FBXW5: variants seen among roughly 807,000 people sequenced by gnomAD.
The protein encoded by FBXW5 is F-box and WD repeat domain containing 5, also known as F-box/WD repeat-containing protein 5.
A neutral mutation model predicts 50.9 loss-of-function variants in FBXW5; 74 were observed. The ratio of observed to expected loss-of-function variants is 1.45; its 90% CI spans 1.20 to 1.76. FBXW5 has a LOEUF of 1.76. FBXW5 is among the 40% of genes most tolerant of loss of function. FBXW5 has a pLI of 0.00. For missense variants in FBXW5, 1,073 were observed against 818.8 expected (o/e 1.31, Z -3.79); for synonymous variants, 523 against 362.2 (o/e 1.44, Z -5.04).
Position 136,941,663 on chromosome 9 carries a change from T to C in FBXW5, c.1118A>G (p.His373Arg). ...CACGGGCCCTGCCGTGGTCATCTGG[T>C]GTGGCAGGATCTGCTTGATGCCTGC... ...HQIGIKQILP[H>R]QMTTAGPVLG... The change falls in exon 7 of 9, where the codon CAC (histidine) becomes CGC (arginine). Residue 373 changes from histidine (H) to arginine (R), a missense_variant. His to Arg is a conservative substitution (Grantham distance 29, BLOSUM62 0). Coordinates refer to ENST00000325285, the MANE Select transcript of FBXW5 (RefSeq NM_018998.4). The C allele has an allele frequency of 1.3e-6, 2 of 1,564,198 alleles. No homozygotes were observed. Among genetic ancestry groups the C allele is most frequent in the South Asian group, 1.2e-5 (1 of 85,622 alleles).
Position 136,943,894 on chromosome 9 carries a change from G to C in FBXW5, c.190C>G (p.Pro64Ala), listed in dbSNP as rs554306850. The change falls in exon 2 of 9, where the codon CCA becomes GCA. Residue 64 changes from proline (P) to alanine (A), a missense_variant. Pro to Ala is a conservative substitution (Grantham distance 27). Coordinates refer to ENST00000325285, the MANE Select transcript of FBXW5 (RefSeq NM_018998.4). ...AGGGGCCCCACACGCCACTGACCTG[G>C]GTGTCGGGGCACGTCGCGGGCCACC... ...YQVARDVPRH[P>A]AAMSWYEEFQ... 2.9e-4 allele frequency: 443 copies of C among 1,549,834 alleles called. No homozygotes were observed. The highest frequency in any genetic ancestry group is 3.8e-4 in the Non-Finnish European group (433 of 1,146,764).
rs778478510 is a variant in FBXW5 at position 136,942,182 on chromosome 9, C to A, written c.960G>T (p.Glu320Asp). The A allele has an allele frequency of 1.3e-6, 2 of 1,591,792 alleles. No homozygotes were observed. Among genetic ancestry groups the A allele is most frequent in the Admixed American group, 3.5e-5 (2 of 56,580 alleles). Residue 320 changes from glutamate to aspartate, a missense_variant, in exon 6 of 9, where the codon GAG becomes GAT. Coordinates refer to ENST00000325285, the MANE Select transcript of FBXW5 (RefSeq NM_018998.4). ...LEGRAQPQLS[E>D]RMLETKVAEL... ...CGGCCACCTTGGTCTCTAGCATGCGCTCCGACAGCTGTGGCTGCGCCCGCC... is the reference window on the plus strand; with the variant it reads ...CGGCCACCTTGGTCTCTAGCATGCGATCCGACAGCTGTGGCTGCGCCCGCC...
Position 136,941,583 on chromosome 9 carries a change from C to T in FBXW5, c.1198G>A (p.Asp400Asn), listed in dbSNP as rs992172616. ...ATGCCGATGATGTGTCCGTGTATGT[C>T]TATGACGTGGTCCAGCGCGTCGAAG... ...AFFDALDHVI[D>N]IHGHIIGMGL... The change falls in exon 7 of 9, where the codon GAC becomes AAC. Residue 400 changes from aspartate to asparagine, a missense_variant. By Grantham distance (23) the Asp-to-Asn change is conservative. Transcript: ENST00000325285. 3.7e-6 allele frequency: 6 copies of T among 1,609,384 alleles called. No individual in the cohort carries two copies. Among genetic ancestry groups the T allele is most frequent in the Non-Finnish European group, 5.1e-6 (6 of 1,178,770 alleles).
rs1239893988 is a variant in FBXW5 at position 136,941,983 on chromosome 9, C to T, written c.1096+63G>A. The T allele has an allele frequency of 7.3e-6, 11 of 1,514,014 alleles. No individual in the cohort carries two copies. The South Asian group carries it at 7.7e-5, about 11-fold the overall frequency. 93.8% of individuals were successfully genotyped at this position (1,514,014 alleles called of 1,614,324 possible). On this transcript the variant is annotated intron_variant, in intron 6 of 8. Coordinates refer to ENST00000325285, the MANE Select transcript of FBXW5 (RefSeq NM_018998.4). ...CTTGCTTGCTGTCTGCCCCTCAGGA[C>T]CCCTGCCCGGCCTCCCCCAAGCTCC...
In FBXW5 at chr9:136,941,658, T is replaced by G. The variant is rs1000019177; in HGVS notation, c.1123A>C (p.Met375Leu). 40 of 1,566,534 alleles carry G rather than the reference T, an allele frequency of 2.6e-5. No homozygotes were observed. The highest frequency in any genetic ancestry group is 3.4e-5 in the Non-Finnish European group (39 of 1,156,310). The change falls in exon 7 of 9, where the codon ATG becomes CTG. Residue 375 changes from methionine (M) to leucine (L), a missense_variant. Coordinates refer to ENST00000325285, the MANE Select transcript of FBXW5 (RefSeq NM_018998.4). ...CCCAGCACGGGCCCTGCCGTGGTCA[T>G]CTGGTGTGGCAGGATCTGCTTGATG... ...IGIKQILPHQMTTAGPVLGEG... is the reference protein window; with the variant it reads ...IGIKQILPHQLTTAGPVLGEG...
At chr9:136,943,859 G>C (rs920939862) in intron 2 of FBXW5, 32 bp downstream of exon 2, 2 of 1,546,498 alleles carry the variant, frequency 1.3e-6, no homozygotes, top group Non-Finnish European at 1.7e-6. Context: ...CCTGGCTGCA[G>C]AACGTGGGTA....
At position 136,943,452 on chromosome 9, in the gene FBXW5, A is replaced by C. The variant is rs1850884745; in HGVS notation, c.248T>G (p.Val83Gly). ...FQRLYDTVPC[V>G]EVQTLREHTD... ...GTGTTCCCGCAGCGTCTGCACCTCCACGCAGGGCACCGTGTCATACAGCCG... is the reference window on the plus strand; with the variant it reads ...GTGTTCCCGCAGCGTCTGCACCTCCCCGCAGGGCACCGTGTCATACAGCCG... Residue 83 changes from valine (V) to glycine (G), a missense_variant, in exon 3 of 9, where the codon GTG (valine) becomes GGG (glycine). Physicochemically the swap from Val to Gly is moderately radical, Grantham distance 109. Coordinates refer to ENST00000325285, the MANE Select transcript of FBXW5 (RefSeq NM_018998.4). 2 of 1,612,802 alleles carry C rather than the reference A, an allele frequency of 1.2e-6. No homozygotes were observed. The highest frequency in any genetic ancestry group is 1.7e-6 in the Non-Finnish European group (2 of 1,179,930).
In FBXW5 at chr9:136,943,665, C is replaced by G. The variant is rs145714396; in HGVS notation, c.194-159G>C. Among the ~76,000 whole-genome samples, 1,087 of 152,264 alleles carry G rather than the reference C, an allele frequency of 7.1e-3. 7 individuals carry two copies. Among genetic ancestry groups the G allele is most frequent in the Non-Finnish European group, 0.012 (794 of 67,988 alleles). On this transcript the variant is annotated intron_variant, in intron 2 of 8. Coordinates refer to ENST00000325285, the MANE Select transcript of FBXW5 (RefSeq NM_018998.4). ...CTGGGGGATTCAACCCTGTAGCTCA[C>G]AGAGACCCCTGTACCCCCCACCCCC...
At position 136,943,377 on chromosome 9, in the gene FBXW5, G is replaced by C. The variant is rs777330320; in HGVS notation, c.323C>G (p.Ala108Gly). 3 of 1,612,704 alleles carry C rather than the reference G, an allele frequency of 1.9e-6. No individual in the cohort carries two copies. The highest frequency in any genetic ancestry group is 2.7e-5 in the African/African-American group (2 of 74,918). The change falls in exon 3 of 9, where the codon GCG becomes GGG. Residue 108 changes from alanine to glycine, a missense_variant. Ala to Gly is a moderately conservative substitution (Grantham distance 60). Transcript: ENST00000325285. ...LSFSHSGYQF[A>G]SCSKDCTVKI... ...CACAGTGCAGTCCTTGGAGCAGGAC[G>C]CGAACTGGTACCCGGAATGGGAGAA... is the stretch of plus-strand genomic sequence containing the variant.
In FBXW5 at chr9:136,943,435, G is replaced by C; in HGVS notation, c.265C>G (p.Arg89Gly). 3.1e-6 allele frequency: 5 copies of C among 1,612,822 alleles called. No individual in the cohort carries two copies. Among genetic ancestry groups the C allele is most frequent in the Non-Finnish European group, 4.2e-6 (5 of 1,179,936 alleles). Residue 89 changes from arginine (R) to glycine (G), a missense_variant, in exon 3 of 9, where the codon CGG becomes GGG. Coordinates refer to ENST00000325285, the MANE Select transcript of FBXW5 (RefSeq NM_018998.4). Reference sequence around the variant, plus strand: ...TGCAGGACCTGGTCTGTGTGTTCCCGCAGCGTCTGCACCTCCACGCAGGGC... The same window carrying C: ...TGCAGGACCTGGTCTGTGTGTTCCCCCAGCGTCTGCACCTCCACGCAGGGC... The part of the protein sequence containing the change: ...TVPCVEVQTL[R>G]EHTDQVLHLS...
chr9:136,944,452 C>T, intron 1 of FBXW5, 142 bp downstream of exon 1: 5 of 968,078 alleles, frequency 5.2e-6, no homozygotes, highest in Non-Finnish European at 6.2e-6. Context: ...GGCCTCCGCC[C>T]TGCGGCCCTG....
Position 136,942,046 on chromosome 9 carries a change from C to A in FBXW5, c.1096G>T (p.Gly366Cys), listed in dbSNP as rs534365450. ...GGGCAGCATGGCGGCAGGGGTGTAC[C>A]GATCTGGTGTGGGGAGTAGGTGAGG... ...GCLTYSPHQI[G>C]IKQILPHQMT... The change falls in exon 6 of 9, where the codon GGC (glycine) becomes TGC (cysteine). Residue 366 changes from glycine (G) to cysteine (C), a missense_variant and splice_region_variant. By Grantham distance (159) the Gly-to-Cys change is radical. Coordinates refer to ENST00000325285, the MANE Select transcript of FBXW5 (RefSeq NM_018998.4). 24 of 1,602,100 alleles carry A rather than the reference C, an allele frequency of 1.5e-5. No individual in the cohort carries two copies. In the East Asian group the frequency reaches 2.2e-4, roughly 15 times the overall value.
Position 136,941,101 on chromosome 9 carries a change from C to T in FBXW5, c.1528G>A (p.Glu510Lys), listed in dbSNP as rs1226558234. The change falls in exon 9 of 9, where the codon GAG becomes AAG. Residue 510 changes from glutamate (E) to lysine (K), a missense_variant. By Grantham distance (56) the Glu-to-Lys change is moderately conservative. Transcript: ENST00000325285. ...YNICLARLRHEDVVNSVVFSP... is the reference protein window; with the variant it reads ...YNICLARLRHKDVVNSVVFSP... ...AAGACCACTGAGTTGACCACATCCTCGTGCCGCAGCCTGGCCAGACAGATG... is the reference window on the plus strand; with the variant it reads ...AAGACCACTGAGTTGACCACATCCTTGTGCCGCAGCCTGGCCAGACAGATG... The T allele has an allele frequency of 2.7e-5, 42 of 1,583,280 alleles. No homozygotes were observed. In the East Asian group the frequency reaches 4.8e-4, roughly 18 times the overall value.
intron 3 of FBXW5, 125 bp from the exon 4 acceptor site, chr9:136,943,068 C>A: frequency 1.4e-6 from 2 of 1,431,064 alleles, no homozygotes; most frequent in South Asian, 1.2e-5. Flanking sequence ...GCAGGGACCC[C>A]TTCCAGCCAC....
rs11339872 is a variant in FBXW5, at chr9:136,943,248, A to ACCC, written c.351+98_351+100dup. ...GCTGCTGTCACCTCTGGCCTGACCC[A>ACCC]CCCCCCCCCCCACCACCACCTGGTT... On this transcript the variant is annotated intron_variant, in intron 3 of 8. Coordinates refer to ENST00000325285, the MANE Select transcript of FBXW5 (RefSeq NM_018998.4). The ACCC allele has an allele frequency of 4.0e-5, 29 of 724,804 alleles. 1 individual carries two copies. Among genetic ancestry groups the ACCC allele is most frequent in the African/African-American group, 1.6e-4 (9 of 54,904 alleles). The allele number at this position is 724,804 out of a possible 1,614,324, so 44.9% of individuals were successfully genotyped here.
At chr9:136,941,993 G>A in intron 6 of FBXW5, 53 bp downstream of exon 6, 4 of 1,535,866 alleles carry the variant, frequency 2.6e-6, no homozygotes, top group South Asian at 2.5e-5. Flanking sequence ...CCCCTGCCCG[G>A]CCTCCCCCAA....
intron 3 of FBXW5, 67 bp downstream of exon 3, chr9:136,943,282 T>A: frequency 4.7e-6 from 4 of 848,032 alleles, no homozygotes; most frequent in Non-Finnish European, 7.0e-6. Flanking sequence ...TTGGAACGCC[T>A]GGGTCCTGGG....
At position 136,944,631 on chromosome 9, in the gene FBXW5, C is replaced by T; in HGVS notation, c.-61G>A. On this transcript the variant is annotated 5_prime_UTR_variant, in exon 1 of 9. Coordinates refer to ENST00000325285, the MANE Select transcript of FBXW5 (RefSeq NM_018998.4). ...CGCCCGCTGCGCCGCCCCCGCCCTG[C>T]GCGACCCGGACCCGCTTCCGCTGCC... is the stretch of plus-strand genomic sequence containing the variant. 2 of 984,952 alleles carry T rather than the reference C, an allele frequency of 2.0e-6. No individual in the cohort carries two copies. Among genetic ancestry groups the T allele is most frequent in the South Asian group, 4.5e-5 (1 of 22,010 alleles). 61.0% of individuals were successfully genotyped at this position (984,952 alleles called of 1,614,324 possible).
At chr9:136,941,736 C>T (rs769305085) in intron 6 of FBXW5, 52 bp from the exon 7 acceptor site, 1 of 1,516,756 alleles carries the variant, frequency 6.6e-7, no homozygotes, top group Non-Finnish European at 8.9e-7. Flanking sequence ...AAGGACATCA[C>T]TCCAGGGCAG....
Sources: gnomAD v4.1 joint callset for allele counts (sites outside exome capture counted in the v4.1 genomes callset) on GRCh38, gnomAD v4.1.1 for gene constraint, MANE v1.5 for transcripts, NCBI Gene and HGNC (gene_info 2026-07-23, HGNC 2026-07-21) for gene names.